Variants in SPMIP5 observed in about 807,000 individuals in gnomAD.
SPMIP5 encodes sperm microtubule inner protein 5.
chr10:116,662,377 CCAAGGT>C, the SPMIP5 span, among the ~76,000 whole-genome samples: 1 of 152,142 alleles, frequency 6.6e-6, no homozygotes, highest in African/African-American at 2.4e-5. Context: ...TGCTCTCAGG[CCAAGGT>C]GACAGGTCCT....
chr10:116,664,802 G>A, the SPMIP5 span: 5 of 1,614,046 alleles, frequency 3.1e-6, no homozygotes, highest in Non-Finnish European at 4.2e-6. Context: ...CCCTCTCCGT[G>A]ATCTCCAGGA....
the SPMIP5 span, among the ~76,000 whole-genome samples, chr10:116,668,605 C>T: frequency 1.3e-5 from 2 of 152,000 alleles, no homozygotes; most frequent in South Asian, 4.2e-4. Flanking sequence ...CGACCTCCAG[C>T]CATCCAACAA....
the SPMIP5 span, chr10:116,665,639 C>T: frequency 3.1e-6 from 5 of 1,613,900 alleles, no homozygotes; most frequent in Admixed American, 3.3e-5. Flanking sequence ...GCAGATTGTA[C>T]TGGTGCAGGG....
the SPMIP5 span, chr10:116,668,107 G>A: frequency 3.5e-5 from 26 of 744,720 alleles, no homozygotes; most frequent in Admixed American, 1.1e-4. Flanking sequence ...CATCTTCAGC[G>A]ATGGAATGCT....
chr10:116,664,812 A>C, the SPMIP5 span: 1 of 1,614,100 alleles, frequency 6.2e-7, no homozygotes, highest in Non-Finnish European at 8.5e-7. Context: ...GATCTCCAGG[A>C]AGTCCTTGTA....
chr10:116,663,898 C>G, the SPMIP5 span: 1 of 1,534,314 alleles, frequency 6.5e-7, no homozygotes. Flanking sequence ...TTGGGAGACT[C>G]TGCGCTTCTA....
the SPMIP5 span, chr10:116,664,242 G>A: frequency 6.2e-7 from 1 of 1,609,638 alleles, no homozygotes; most frequent in Non-Finnish European, 8.5e-7. Flanking sequence ...AGACGGAGCA[G>A]AAGTTTTTGT....
At chr10:116,668,401 A>C in the SPMIP5 span, 9 of 1,183,546 alleles carry the variant, frequency 7.6e-6, no homozygotes, top group Non-Finnish European at 9.8e-6. Flanking sequence ...GAGTGTGCAC[A>C]AGCTCTTGGG....
At chr10:116,668,408 T>C in the SPMIP5 span, 1 of 1,149,078 alleles carries the variant, frequency 8.7e-7, no homozygotes, top group Non-Finnish European at 1.3e-6. Flanking sequence ...CACAAGCTCT[T>C]GGGAGTGGAA....
At chr10:116,669,317 C>T in the SPMIP5 span, among the ~76,000 whole-genome samples, 1 of 152,152 alleles carries the variant, frequency 6.6e-6, no homozygotes, top group Admixed American at 6.5e-5. Context: ...TCAGCCCCCG[C>T]CAGGCTGACA....
the SPMIP5 span, among the ~76,000 whole-genome samples, chr10:116,662,348 A>G: frequency 1.3e-5 from 2 of 152,262 alleles, no homozygotes; most frequent in African/African-American, 4.8e-5. Flanking sequence ...GAGCCACGTG[A>G]TACAAAAACA....
At chr10:116,663,792 A>T in the SPMIP5 span, 4 of 1,246,122 alleles carry the variant, frequency 3.2e-6, no homozygotes, top group African/African-American at 1.5e-5. Flanking sequence ...GGCGGCAGTT[A>T]AAAAATTCTT....
chr10:116,665,480 C>A, the SPMIP5 span: 2 of 662,020 alleles, frequency 3.0e-6, no homozygotes, highest in Non-Finnish European at 5.0e-6. Flanking sequence ...GGAGCCTTTG[C>A]ATTTGGTGCT....
the SPMIP5 span, among the ~76,000 whole-genome samples, chr10:116,668,048 T>C: frequency 6.6e-6 from 1 of 152,216 alleles, no homozygotes; most frequent in South Asian, 2.1e-4. Context: ...CCAGGCCATG[T>C]TCTGGGACGT....
chr10:116,665,020 A>G, the SPMIP5 span: 4 of 1,540,564 alleles, frequency 2.6e-6, no homozygotes, highest in Non-Finnish European at 3.5e-6. Context: ...CTGAGGCCTG[A>G]AAACTTGTGA....
At chr10:116,668,789 G>C in the SPMIP5 span, among the ~76,000 whole-genome samples, 1 of 151,836 alleles carries the variant, frequency 6.6e-6, no homozygotes. Context: ...AGGTTGCAGT[G>C]GTGATTTTTG....
the SPMIP5 span, chr10:116,665,003 C>G: frequency 1.3e-6 from 2 of 1,556,522 alleles, no homozygotes; most frequent in Non-Finnish European, 1.7e-6. Flanking sequence ...TTCCACTGAC[C>G]CAGAAGCTGA....
chr10:116,663,993 T>G, the SPMIP5 span: 1 of 1,544,650 alleles, frequency 6.5e-7, no homozygotes, highest in Middle Eastern at 1.7e-4. Flanking sequence ...CACAGCCACA[T>G]GTCAGCGGAG....
chr10:116,664,791 GC>G, the SPMIP5 span: 1 of 1,614,050 alleles, frequency 6.2e-7, no homozygotes, highest in Non-Finnish European at 8.5e-7. Context: ...TGCCTTCTTG[GC>G]CCTCTCCGTG....
Sources: allele counts gnomAD v4.1 joint callset (sites outside exome capture counted in the v4.1 genomes callset), GRCh38; gene constraint gnomAD v4.1.1; transcripts MANE v1.5; gene names NCBI Gene and HGNC (gene_info 2026-07-23, HGNC 2026-07-21).